Variants in IGSF11 observed in about 807,000 individuals in gnomAD.
IGSF11 encodes the protein CXADR like 1.
In IGSF11, 22 loss-of-function variants were observed where a neutral mutation model predicts 41.0. That is an observed-to-expected ratio of 0.54 (90% CI 0.38 to 0.77). The LOEUF is 0.77. Ranked by LOEUF, IGSF11 falls within the 30% of genes least tolerant of loss-of-function variation. The pLI is 0.00. For synonymous variants in IGSF11, 219 were observed against 201.3 expected (o/e 1.09, Z -0.74); for missense variants, 444 against 530.8 (o/e 0.84, Z 1.61).
chr3:119,027,881 C>T (rs1939975656), intron 1 of IGSF11, among the ~76,000 whole-genome samples: 1 of 152,138 alleles, frequency 6.6e-6, no homozygotes, highest in African/African-American at 2.4e-5. Flanking sequence ...TAAATAAGTA[C>T]ATAAGTGTAC....
intron 1 of IGSF11, among the ~76,000 whole-genome samples, chr3:118,952,528 T>C (rs1048080106): frequency 2.6e-5 from 4 of 152,206 alleles, no homozygotes; most frequent in Non-Finnish European, 5.9e-5. Context: ...CCATTTTCTT[T>C]GCTCATCCAG....
chr3:118,974,893 C>A (rs1933894607), intron 1 of IGSF11, among the ~76,000 whole-genome samples: 1 of 151,174 alleles, frequency 6.6e-6, no homozygotes, highest in African/African-American at 2.4e-5. Context: ...ACCATGGTGA[C>A]AAGAAAGCAA....
intron 1 of IGSF11, among the ~76,000 whole-genome samples, chr3:119,126,533 A>C (rs999372159): frequency 6.6e-6 from 1 of 152,176 alleles, no homozygotes. Context: ...GTGCTTCATT[A>C]AACGAGTCCT....
chr3:119,029,699 A>C (rs1940216566), intron 1 of IGSF11, among the ~76,000 whole-genome samples: 1 of 152,216 alleles, frequency 6.6e-6, no homozygotes. Context: ...GGCAAAAGTG[A>C]GTATAGGGGT....
intron 1 of IGSF11, among the ~76,000 whole-genome samples, chr3:118,965,786 C>A (rs1321974402): frequency 1.3e-5 from 2 of 152,130 alleles, no homozygotes; most frequent in East Asian, 3.9e-4. Context: ...AAAATCCCTG[C>A]AAAATGTATG....
intron 4 of IGSF11, among the ~76,000 whole-genome samples, chr3:118,920,344 A>T (rs1047816032): frequency 7.3e-6 from 1 of 137,118 alleles, no homozygotes; most frequent in East Asian, 2.2e-4. Flanking sequence ...AATAAATTAA[A>T]TAAATAAATA....
At chr3:119,032,596 C>G (rs1039320387) in intron 1 of IGSF11, among the ~76,000 whole-genome samples, 10 of 152,168 alleles carry the variant, frequency 6.6e-5, no homozygotes, top group Non-Finnish European at 1.2e-4. Context: ...AAGAGTATAC[C>G]CCTGCCTGTT....
At chr3:119,030,975 G>T (rs1357872631) in intron 1 of IGSF11, among the ~76,000 whole-genome samples, 4 of 152,118 alleles carry the variant, frequency 2.6e-5, no homozygotes, top group African/African-American at 9.7e-5. Flanking sequence ...CTAGTTATGG[G>T]GCCAGGCACG....
chr3:119,100,964 A>G (rs1230795552), intron 1 of IGSF11, among the ~76,000 whole-genome samples: 1 of 152,188 alleles, frequency 6.6e-6, no homozygotes, highest in African/African-American at 2.4e-5. Context: ...AGTATATCCC[A>G]TCTTGTGGAA....
intron 1 of IGSF11, among the ~76,000 whole-genome samples, chr3:118,986,677 T>A (rs1935287013): frequency 6.6e-6 from 1 of 152,136 alleles, no homozygotes; most frequent in Non-Finnish European, 1.5e-5. Flanking sequence ...AAACTACAGC[T>A]TAGAGGGGAT....
chr3:119,073,514 G>A (rs1413660694), intron 1 of IGSF11, among the ~76,000 whole-genome samples: 1 of 152,208 alleles, frequency 6.6e-6, no homozygotes, highest in Non-Finnish European at 1.5e-5. Context: ...GGGGGGCTCG[G>A]GCATGGTGGG....
intron 1 of IGSF11, among the ~76,000 whole-genome samples, chr3:119,006,164 T>A (rs1475326124): frequency 8.0e-6 from 1 of 125,190 alleles, no homozygotes; most frequent in African/African-American, 3.9e-5. Flanking sequence ...TGCTCGTTTC[T>A]TTTTATTCTT....
At chr3:118,955,467 A>G (rs574144314) in intron 1 of IGSF11, among the ~76,000 whole-genome samples, 4 of 152,218 alleles carry the variant, frequency 2.6e-5, no homozygotes, top group African/African-American at 9.6e-5. Flanking sequence ...AAGTCTTTGA[A>G]CAATCTTGAG....
At chr3:119,112,773 A>G (rs2077199036) in intron 1 of IGSF11, 1 of 152,484 alleles carries the variant, frequency 6.6e-6, no homozygotes, top group Non-Finnish European at 1.5e-5. Flanking sequence ...TTCTTTATCC[A>G]TTCATCTGTT....
At chr3:118,980,974 T>C (rs1437040011) in intron 1 of IGSF11, among the ~76,000 whole-genome samples, 1 of 152,186 alleles carries the variant, frequency 6.6e-6, no homozygotes, top group Non-Finnish European at 1.5e-5. Context: ...TTCCCAGGAA[T>C]CAAACCCATT....
chr3:118,982,650 C>T (rs1055136825), intron 1 of IGSF11, among the ~76,000 whole-genome samples: 2 of 151,990 alleles, frequency 1.3e-5, no homozygotes, highest in Non-Finnish European at 2.9e-5. Flanking sequence ...TCTGTTTCTT[C>T]AATAAAATCC....
chr3:118,923,131 T>C (rs1487414047), intron 4 of IGSF11, among the ~76,000 whole-genome samples: 1 of 152,106 alleles, frequency 6.6e-6, no homozygotes, highest in Non-Finnish European at 1.5e-5. Context: ...CCAGGAAGCT[T>C]TTCTGAGCCT....
chr3:119,026,735 T>C (rs145132584), intron 1 of IGSF11, among the ~76,000 whole-genome samples: 15 of 152,368 alleles, frequency 9.8e-5, no homozygotes, highest in African/African-American at 2.9e-4. Context: ...TGCTGCATAC[T>C]GAAGCAAAAT....
intron 1 of IGSF11, among the ~76,000 whole-genome samples, chr3:119,063,749 T>C (rs1177203941): frequency 6.6e-6 from 1 of 152,192 alleles, no homozygotes; most frequent in Non-Finnish European, 1.5e-5. Context: ...TCTTCCTGAA[T>C]ACAAATCAGA....
Sources: allele counts gnomAD v4.1 joint callset (sites outside exome capture counted in the v4.1 genomes callset), GRCh38; gene constraint gnomAD v4.1.1; transcripts MANE v1.5; gene names NCBI Gene and HGNC (gene_info 2026-07-23, HGNC 2026-07-21).